KCNMA1: variants seen among roughly 807,000 people sequenced by gnomAD.
The protein encoded by KCNMA1 is Calcium-activated potassium channel subunit alpha-1.
Under a neutral mutation model 140.0 loss-of-function variants are expected in KCNMA1, and 29 were observed. The observed-to-expected ratio is 0.21, with a 90% CI of 0.15 to 0.28. The LOEUF is 0.28. Among genes scored for constraint, KCNMA1 ranks in the 10% least tolerant of loss-of-function variants. The probability of loss-of-function intolerance (pLI) is 1.00; values close to 1 mark genes in which losing one functional copy is unlikely to be tolerated. For missense variants in KCNMA1, 880 were observed against 1,602.2 expected, an observed-to-expected ratio of 0.55 and a Z score of 7.70; for synonymous variants, 612 against 611.9, an observed-to-expected ratio of 1.00 and a Z score of 0.00.
At chr10:77,246,074 A>G (rs1391306942) in intron 3 of KCNMA1, among the ~76,000 whole-genome samples, 1 of 152,238 alleles carries the variant, frequency 6.6e-6, no homozygotes, top group Non-Finnish European at 1.5e-5. Flanking sequence ...GGAGAACAAA[A>G]GAGAAAACAA....
chr10:77,113,434 G>A (rs1177399580), intron 6 of KCNMA1, among the ~76,000 whole-genome samples: 1 of 151,778 alleles, frequency 6.6e-6, no homozygotes, highest in African/African-American at 2.4e-5. Context: ...TCTATATTCT[G>A]GATCCTGTTT....
chr10:77,124,721 G>A (rs2097696420), intron 5 of KCNMA1, among the ~76,000 whole-genome samples: 1 of 152,132 alleles, frequency 6.6e-6, no homozygotes, highest in African/African-American at 2.4e-5. Flanking sequence ...GTTCTCCATA[G>A]GTTAAAAAAG....
At chr10:77,622,116 GA>G (rs2091556056) in intron 1 of KCNMA1, among the ~76,000 whole-genome samples, 1 of 152,176 alleles carries the variant, frequency 6.6e-6, no homozygotes, top group Non-Finnish European at 1.5e-5. Context: ...GTCAGGTAGA[GA>G]AAAGGTGATT....
intron 2 of KCNMA1, among the ~76,000 whole-genome samples, chr10:77,351,673 C>A (rs1289602248): frequency 1.3e-5 from 2 of 152,166 alleles, no homozygotes; most frequent in African/African-American, 4.8e-5. Context: ...TTAGACTCTG[C>A]AAATTGTTTA....
intron 5 of KCNMA1, among the ~76,000 whole-genome samples, chr10:77,171,940 A>G (rs190046505): frequency 8.1e-4 from 123 of 152,286 alleles, no homozygotes; most frequent in African/African-American, 2.8e-3. Flanking sequence ...TTTCTAGAGG[A>G]CACTCCAATT....
chr10:77,411,457 C>T (rs1160355818), intron 1 of KCNMA1, among the ~76,000 whole-genome samples: 1 of 152,166 alleles, frequency 6.6e-6, no homozygotes, highest in Non-Finnish European at 1.5e-5. Flanking sequence ...AACTCTATGA[C>T]GTTGGTACTA....
chr10:77,392,474 C>T (rs1258717334), intron 2 of KCNMA1, among the ~76,000 whole-genome samples: 1 of 152,222 alleles, frequency 6.6e-6, no homozygotes, highest in Non-Finnish European at 1.5e-5. Context: ...TGACTTATCA[C>T]TAAACCCTAC....
At chr10:76,998,496 A>G (rs1565447257) in intron 19 of KCNMA1, among the ~76,000 whole-genome samples, 1 of 152,206 alleles carries the variant, frequency 6.6e-6, no homozygotes, top group Non-Finnish European at 1.5e-5. Flanking sequence ...GCCCTAGCAT[A>G]AAAGACAAAG....
chr10:76,883,077 C>A (rs940512899), downstream of KCNMA1, among the ~76,000 whole-genome samples: 11 of 152,122 alleles, frequency 7.2e-5, no homozygotes, highest in African/African-American at 2.7e-4. Flanking sequence ...AAAGCTTTTT[C>A]TGGTCATCTG....
At chr10:77,211,186 A>G (rs1397059424) in intron 3 of KCNMA1, among the ~76,000 whole-genome samples, 1 of 152,142 alleles carries the variant, frequency 6.6e-6, no homozygotes, top group African/African-American at 2.4e-5. Flanking sequence ...GAGGCATCAA[A>G]CTACCTGACT....
intron 1 of KCNMA1, among the ~76,000 whole-genome samples, chr10:77,508,031 CA>C (rs1163826015): frequency 6.6e-6 from 1 of 152,172 alleles, no homozygotes; most frequent in African/African-American, 2.4e-5. Context: ...AACTAATATG[CA>C]TCATTTAAAA....
At position 77,007,653 on chromosome 10, in the gene KCNMA1, G is replaced by GTGTGTGTGTGTATATATATATATATA; in HGVS notation, c.2092+4313_2092+4314insTATATATATATATATACACACACACA. The stretch of plus-strand genomic sequence containing the variant: ...ACATCATGGTACATATTGTGTGTGT[G>GTGTGTGTGTGTATATATATATATATA]TATATATATATATATATATATATGT... On this transcript the variant is annotated intron_variant, in intron 18 of 27. Coordinates refer to ENST00000286628, the MANE Select transcript of KCNMA1 (RefSeq NM_001161352.2). Among the ~76,000 whole-genome samples, 23 of 88,462 alleles carry GTGTGTGTGTGTATATATATATATATA rather than the reference G, an allele frequency of 2.6e-4. 1 individual carries two copies. The highest frequency in any genetic ancestry group is 7.9e-4 in the South Asian group (2 of 2,538). The allele number at this position is 88,462 out of a possible 152,430, so 58.0% of individuals were successfully genotyped here.
intron 14 of KCNMA1, among the ~76,000 whole-genome samples, chr10:77,056,429 G>T (rs2095543628): frequency 6.6e-6 from 1 of 151,666 alleles, no homozygotes; most frequent in Non-Finnish European, 1.5e-5. Flanking sequence ...ATAAAATAAA[G>T]CAGGTCATTA....
chr10:77,289,953 G>A (rs746859620), intron 2 of KCNMA1, among the ~76,000 whole-genome samples: 46 of 152,276 alleles, frequency 3.0e-4, no homozygotes, highest in Admixed American at 9.2e-4. Flanking sequence ...CACATCCTGT[G>A]GATTCTCCTT....
intron 21 of KCNMA1, among the ~76,000 whole-genome samples, chr10:76,953,399 G>C (rs566991084): frequency 6.6e-6 from 1 of 152,042 alleles, no homozygotes; most frequent in African/African-American, 2.4e-5. Flanking sequence ...TATGAGTTAG[G>C]GTCATTCTCA....
intron 23 of KCNMA1, among the ~76,000 whole-genome samples, chr10:76,920,358 G>A (rs543688428): frequency 1.4e-4 from 21 of 151,972 alleles, no homozygotes; most frequent in African/African-American, 4.8e-4. Context: ...TAATAACTTC[G>A]GTTCTCAGAA....
At chr10:77,132,404 G>GA (rs1260445299) in intron 5 of KCNMA1, among the ~76,000 whole-genome samples, 3 of 151,804 alleles carry the variant, frequency 2.0e-5, no homozygotes, top group Non-Finnish European at 4.4e-5. Flanking sequence ...CTGCCAGAAG[G>GA]AAAAAATGAA....
intron 2 of KCNMA1, among the ~76,000 whole-genome samples, chr10:77,257,503 G>A (rs957924353): frequency 2.2e-4 from 33 of 152,300 alleles, no homozygotes; most frequent in East Asian, 5.8e-4. Context: ...AAAGTGGAAC[G>A]GGGAGAGAAA....
At chr10:77,425,109 GTGGATGGATGGATGGA>G (rs200540048) in intron 1 of KCNMA1, among the ~76,000 whole-genome samples, 17 of 150,106 alleles carry the variant, frequency 1.1e-4, no homozygotes, top group South Asian at 8.5e-4. Flanking sequence ...GGATGGATGA[GTGGATGGATGGATGGA>G]TGGATGGATG....
Sources: gnomAD v4.1 joint callset for allele counts (sites outside exome capture counted in the v4.1 genomes callset) on GRCh38, gnomAD v4.1.1 for gene constraint, MANE v1.5 for transcripts, NCBI Gene and HGNC (gene_info 2026-07-23, HGNC 2026-07-21) for gene names.